The following CIT variants were observed in gnomAD, a reference collection of about 807,000 sequenced individuals.
CIT encodes citron Rho-interacting kinase.
Under a neutral mutation model 272.7 loss-of-function variants are expected in CIT, and 79 were observed. The observed-to-expected ratio is 0.29, with a 90% CI of 0.24 to 0.35. The LOEUF is 0.35. CIT is among the 10% of genes least tolerant of loss of function. CIT has a pLI of 1.00. For synonymous variants in CIT, 948 were observed against 995.6 expected, an observed-to-expected ratio of 0.95 and a Z score of 0.90; for missense variants, 1,909 against 2,618.3, an observed-to-expected ratio of 0.73 and a Z score of 5.91.
At position 119,749,914 on chromosome 12, in the gene CIT, T is replaced by C. The variant is rs537201439; in HGVS notation, c.2904+2136A>G. Among the ~76,000 whole-genome samples the C allele has an allele frequency of 5.1e-3, 774 of 152,318 alleles. 8 individuals carry two copies. Among genetic ancestry groups the C allele is most frequent in the African/African-American group, 0.018 (748 of 41,572 alleles). On this transcript the variant is annotated intron_variant, in intron 23 of 47. Transcript: ENST00000392521. ...GACACGTGCTCTATTTTATGCCCTC[T>C]TCCTTCCAAACAGGGCCAGGATAAG...
Position 119,857,618 on chromosome 12 carries a change from G to C in CIT, c.319C>G (p.His107Asp), listed in dbSNP as rs751848479. ...FEVRSLVGCG[H>D]FAEVQVVREK... Reference sequence around the variant, plus strand: ...CTTACCACCTGCACTTCAGCAAAGTGACCACAACCTACAAGACTTCTGACT... The same window carrying C: ...CTTACCACCTGCACTTCAGCAAAGTCACCACAACCTACAAGACTTCTGACT... The change falls in exon 4 of 48, where the codon CAC becomes GAC. Residue 107 changes from histidine to aspartate, a missense_variant. This residue lies in a region of CIT where 529 missense variants were observed against 549.6 expected (regional missense o/e 0.96). Coordinates refer to ENST00000392521, the MANE Select transcript of CIT (RefSeq NM_001206999.2). 7 of 1,614,162 alleles carry C rather than the reference G, an allele frequency of 4.3e-6. No individual in the cohort carries two copies. The highest frequency in any genetic ancestry group is 1.3e-5 in the African/African-American group (1 of 75,048).
intron 24 of CIT, among the ~76,000 whole-genome samples, chr12:119,739,998 G>A (rs910550776): frequency 6.6e-6 from 1 of 152,192 alleles, no homozygotes; most frequent in Non-Finnish European, 1.5e-5. Flanking sequence ...GGCTTAGTAG[G>A]ATAATACACG....
intron 10 of CIT, among the ~76,000 whole-genome samples, chr12:119,799,368 T>C (rs886685214): frequency 1.3e-5 from 2 of 152,200 alleles, no homozygotes; most frequent in Non-Finnish European, 2.9e-5. Flanking sequence ...AGTATCGCTG[T>C]CCTTCCACTT....
At position 119,712,107 on chromosome 12, in the gene CIT, C is replaced by T. The variant is rs1051028412; in HGVS notation, c.4854+71G>A. ...GAATCAAAATGGCCAATGGGATTCT[C>T]GTCGTTAACACCAGTTACCAAGTCA... is the stretch of plus-strand genomic sequence containing the variant. On this transcript the variant is annotated intron_variant, in intron 37 of 47. Transcript: ENST00000392521. This position sits in a 1 kb window ranked among gnomAD's most constrained non-coding sequence, Gnocchi z 5.2. 23 of 1,438,464 alleles carry T rather than the reference C, an allele frequency of 1.6e-5. 1 individual carries two copies. The African/African-American group carries it at 3.3e-4, about 21-fold the overall frequency. 89.1% of individuals were successfully genotyped at this position (1,438,464 alleles called of 1,614,324 possible).
intron 22 of CIT, among the ~76,000 whole-genome samples, chr12:119,756,122 T>A (rs953610502): frequency 1.3e-5 from 2 of 152,174 alleles, no homozygotes; most frequent in Non-Finnish European, 2.9e-5. Context: ...ATGAGGCAGC[T>A]TGCAAAACTA....
intron 6 of CIT, among the ~76,000 whole-genome samples, chr12:119,833,089 C>A (rs1439845688): frequency 6.6e-6 from 1 of 151,074 alleles, no homozygotes; most frequent in African/African-American, 2.4e-5. Context: ...AGAAAAAGGG[C>A]GAGAGGGAGC....
At chr12:119,802,889 G>A (rs141266593) in intron 10 of CIT, among the ~76,000 whole-genome samples, 3 of 152,066 alleles carry the variant, frequency 2.0e-5, no homozygotes, top group Non-Finnish European at 2.9e-5. Flanking sequence ...TCCTTTGACC[G>A]GGGATCTGCA....
At chr12:119,691,555 G>A (rs1955951223) in intron 46 of CIT, among the ~76,000 whole-genome samples, 1 of 152,180 alleles carries the variant, frequency 6.6e-6, no homozygotes, top group African/African-American at 2.4e-5. Flanking sequence ...TCAGGAAACT[G>A]AGCAGGGCAG....
intron 41 of CIT, among the ~76,000 whole-genome samples, chr12:119,703,100 C>G (rs978525770): frequency 2.0e-5 from 3 of 152,156 alleles, no homozygotes; most frequent in Non-Finnish European, 4.4e-5. Context: ...CTGAATATTT[C>G]TTGGTCACCT....
intron 10 of CIT, among the ~76,000 whole-genome samples, chr12:119,802,523 C>A (rs762345310): frequency 3.3e-5 from 5 of 151,906 alleles, no homozygotes; most frequent in African/African-American, 1.2e-4. Flanking sequence ...TTTTTTTCCC[C>A]CTATGAAGCC....
At chr12:119,691,424 C>T (rs1435225474) in intron 46 of CIT, among the ~76,000 whole-genome samples, 1 of 152,066 alleles carries the variant, frequency 6.6e-6, no homozygotes, top group Admixed American at 6.6e-5. Context: ...GTCACCTCTG[C>T]CCCCATGTGG....
chr12:119,870,740 T>C (rs539839024), intron 2 of CIT, among the ~76,000 whole-genome samples: 43 of 152,194 alleles, frequency 2.8e-4, no homozygotes, highest in African/African-American at 1.0e-3. Flanking sequence ...TGTCTTTAGC[T>C]GCTTTTGTGC....
intron 10 of CIT, among the ~76,000 whole-genome samples, chr12:119,798,685 C>G (rs1965942203): frequency 2.6e-5 from 4 of 152,196 alleles, no homozygotes; most frequent in Admixed American, 1.3e-4. Context: ...AGTTCCAGCA[C>G]AAGTATTTAC....
chr12:119,773,385 T>C (rs564150838), intron 16 of CIT, among the ~76,000 whole-genome samples: 2 of 152,322 alleles, frequency 1.3e-5, no homozygotes, highest in East Asian at 3.9e-4. Context: ...ATGGGAAATA[T>C]TGAGATATAC....
At chr12:119,695,767 A>G (rs1956194351) in intron 46 of CIT, among the ~76,000 whole-genome samples, 1 of 152,216 alleles carries the variant, frequency 6.6e-6, no homozygotes, top group Middle Eastern at 3.4e-3. Flanking sequence ...TCCAGCTTAG[A>G]TGACAGAGAC....
intron 6 of CIT, 76 bp downstream of exon 6, chr12:119,834,010 A>T: frequency 7.1e-7 from 1 of 1,404,444 alleles, no homozygotes; most frequent in Non-Finnish European, 9.7e-7. Context: ...TCACTCATCC[A>T]CTCATTTCCA....
intron 2 of CIT, among the ~76,000 whole-genome samples, chr12:119,870,834 G>A (rs776216813): frequency 2.0e-4 from 31 of 152,026 alleles, no homozygotes; most frequent in South Asian, 6.2e-4. Context: ...AAAAAGTTAC[G>A]AGTCAGCCAG....
chr12:119,747,238 C>A (rs1032849963), intron 23 of CIT, among the ~76,000 whole-genome samples: 1 of 150,694 alleles, frequency 6.6e-6, no homozygotes, highest in East Asian at 2.0e-4. Context: ...CTGACCAACA[C>A]GGTGAAACCC....
In CIT at chr12:119,708,204, C is replaced by T; in HGVS notation, c.5186G>A (p.Gly1729Asp). 1 of 1,600,300 alleles carries T rather than the reference C, an allele frequency of 6.2e-7. No homozygotes were observed. The highest frequency in any genetic ancestry group is 1.1e-5 in the South Asian group (1 of 88,644). ...ISPNIFEAVK[G>D]CHLFGAGKIE... ...CTTGCCTGCCCCAAACAAGTGGCAG[C>T]CCTTGACAGCTTCAAAAATGTTGGG... The change falls in exon 40 of 48, where the codon GGC (glycine) becomes GAC (aspartate). Residue 1729 changes from glycine to aspartate, a missense_variant. This residue lies in a region of CIT where 780 missense variants were observed against 1,067.2 expected (regional missense o/e 0.73). Coordinates refer to ENST00000392521, the MANE Select transcript of CIT (RefSeq NM_001206999.2).
Sources: allele counts gnomAD v4.1 joint callset (sites outside exome capture counted in the v4.1 genomes callset), GRCh38; gene constraint gnomAD v4.1.1; regional missense constraint gnomAD v4.1.1; non-coding constraint Gnocchi (gnomAD v3.1); transcripts MANE v1.5; gene names NCBI Gene and HGNC (gene_info 2026-07-23, HGNC 2026-07-21).